GABARAPL1: variants seen among roughly 807,000 people sequenced by gnomAD.
The protein encoded by GABARAPL1 is GABA type A receptor associated protein like 1.
Under a neutral mutation model 14.5 loss-of-function variants are expected in GABARAPL1, and 4 were observed. The ratio of observed to expected loss-of-function variants is 0.28; its 90% CI spans 0.14 to 0.63. GABARAPL1 has a LOEUF of 0.63. Ranked by LOEUF, GABARAPL1 falls within the 30% of genes least tolerant of loss-of-function variation. The pLI, the probability that GABARAPL1 is intolerant of heterozygous loss-of-function variation, is 0.84. For synonymous variants in GABARAPL1, 47 were observed against 50.6 expected (o/e 0.93, Z 0.30); for missense variants, 82 against 139.2 (o/e 0.59, Z 2.07).
chr12:10,213,591 A>G lies in GABARAPL1; in HGVS notation c.90+372A>G, dbSNP rs1388865951. The G allele has an allele frequency of 2.4e-5, 8 of 331,814 alleles. No homozygotes were observed. In the Admixed American group the frequency reaches 3.3e-4, roughly 14 times the overall value. The allele number at this position is 331,814 out of a possible 1,614,324, so 20.6% of individuals were successfully genotyped here. A position where few individuals can be genotyped will look rare whatever the true frequency, so the allele number is the denominator to read the frequency against. ...TCGGGGCCATGGATTGGCTGCCTTTAAGAACGCAGGGACATTGTGCTGTGC... is the reference window on the plus strand; with the variant it reads ...TCGGGGCCATGGATTGGCTGCCTTTGAGAACGCAGGGACATTGTGCTGTGC... On this transcript the variant is annotated intron_variant, in intron 1 of 3. Coordinates refer to ENST00000266458, the MANE Select transcript of GABARAPL1 (RefSeq NM_031412.4).
intron 3 of GABARAPL1, 199 bp downstream of exon 3, chr12:10,220,757 A>C (rs986887079): frequency 6.7e-7 from 1 of 1,496,550 alleles, no homozygotes; most frequent in African/African-American, 1.4e-5. Flanking sequence ...ACTCTACTAG[A>C]TTTAATCCTT....
intron 2 of GABARAPL1, among the ~76,000 whole-genome samples, chr12:10,219,235 C>T (rs551904083): frequency 7.9e-4 from 120 of 151,664 alleles, no homozygotes; most frequent in African/African-American, 2.8e-3. Context: ...TGGAGAATGG[C>T]TTGAACCTGG....
chr12:10,219,401 G>T (rs755573539), intron 2 of GABARAPL1, among the ~76,000 whole-genome samples: 5 of 151,720 alleles, frequency 3.3e-5, no homozygotes, highest in Non-Finnish European at 7.4e-5. Context: ...AAGAAAACCA[G>T]TCTGGCTTCT....
At chr12:10,216,928 T>C (rs1335752150) in intron 1 of GABARAPL1, among the ~76,000 whole-genome samples, 1 of 152,160 alleles carries the variant, frequency 6.6e-6, no homozygotes, top group Admixed American at 6.5e-5. Flanking sequence ...ATTAAAAATA[T>C]CTTTTAAATT....
Position 10,213,092 on chromosome 12 carries a change from G to A in GABARAPL1, c.-38G>A. ...GACAGGGTCAGCGGCGAAGGAGGCA[G>A]GCCCCGCGCGGGGATCTCGGAAGCC... On this transcript the variant is annotated 5_prime_UTR_variant, in exon 1 of 4. Transcript: ENST00000266458. 1 of 1,310,484 alleles carries A rather than the reference G, an allele frequency of 7.6e-7. No homozygotes were observed. Among genetic ancestry groups the A allele is most frequent in the Non-Finnish European group, 1.1e-6 (1 of 921,678 alleles). The allele number at this position is 1,310,484 out of a possible 1,614,324, so 81.2% of individuals were successfully genotyped here.
chr12:10,215,852 A>G (rs116676684), intron 1 of GABARAPL1, among the ~76,000 whole-genome samples: 1,618 of 151,190 alleles, frequency 0.011, 36 homozygotes, highest in African/African-American at 0.037. Context: ...TTTTTTCTAC[A>G]AGAACACAAA....
intron 3 of GABARAPL1, 111 bp from the exon 4 acceptor site, chr12:10,221,676 G>T: frequency 8.2e-7 from 1 of 1,224,694 alleles, no homozygotes; most frequent in East Asian, 2.5e-5. Context: ...TCTTTTAAAT[G>T]GGGACTAATG....
chr12:10,222,423 G>C lies in GABARAPL1; in HGVS notation c.*571G>C, dbSNP rs1475642725. ...TCAGACATCACAGTACCACCCCAGG[G>C]GTGGCAGTAGACAACAACCCAGAAA... On this transcript the variant is annotated 3_prime_UTR_variant, in exon 4 of 4. Coordinates refer to ENST00000266458, the MANE Select transcript of GABARAPL1 (RefSeq NM_031412.4). The C allele has an allele frequency of 6.5e-6, 1 of 153,388 alleles. No individual in the cohort carries two copies. Among genetic ancestry groups the C allele is most frequent in the East Asian group, 1.9e-4 (1 of 5,204 alleles). 9.5% of individuals were successfully genotyped at this position (153,388 alleles called of 1,614,324 possible). A position where few individuals can be genotyped will look rare whatever the true frequency, so the allele number is the denominator to read the frequency against.
chr12:10,216,029 C>T (rs1949086350), intron 1 of GABARAPL1, among the ~76,000 whole-genome samples: 1 of 152,004 alleles, frequency 6.6e-6, no homozygotes, highest in South Asian at 2.1e-4. Context: ...TTATTACTCA[C>T]ATTCACATCA....
At chr12:10,216,683 G>A (rs560538474) in intron 1 of GABARAPL1, among the ~76,000 whole-genome samples, 2 of 151,742 alleles carry the variant, frequency 1.3e-5, no homozygotes, top group Non-Finnish European at 2.9e-5. Flanking sequence ...TGGGATTATA[G>A]GCATGCATCA....
intron 1 of GABARAPL1, among the ~76,000 whole-genome samples, chr12:10,216,408 G>C (rs11053689): frequency 0.085 from 12,792 of 151,120 alleles, 1,329 homozygotes; most frequent in East Asian, 0.46. Flanking sequence ...AGCTGAGAGA[G>C]AGGTTACGTG....
In GABARAPL1 at chr12:10,221,954, C is replaced by A; in HGVS notation, c.*102C>A. 1 of 957,466 alleles carries A rather than the reference C, an allele frequency of 1.0e-6. No homozygotes were observed. The highest frequency in any genetic ancestry group is 1.7e-6 in the Non-Finnish European group (1 of 599,268). 59.3% of individuals were successfully genotyped at this position (957,466 alleles called of 1,614,324 possible). ...GAGGGTGGCTCCCACCGCAAGGAGA[C>A]AGAAGGTGAAGACATCTAGAAACAT... On this transcript the variant is annotated 3_prime_UTR_variant, in exon 4 of 4. Transcript: ENST00000266458.
rs1037495777 is a variant in GABARAPL1, at chr12:10,212,979, C to A, written c.-151C>A. On this transcript the variant is annotated 5_prime_UTR_variant, in exon 1 of 4. Coordinates refer to ENST00000266458, the MANE Select transcript of GABARAPL1 (RefSeq NM_031412.4). ...CCCGAGATCCCCGCCCCGAACCCCC[C>A]CTGCACACTCGGCCCAGCGCTGTTG... is the stretch of plus-strand genomic sequence containing the variant. The A allele has an allele frequency of 1.6e-6, 1 of 612,212 alleles. No homozygotes were observed. Among genetic ancestry groups the A allele is most frequent in the South Asian group, 1.9e-5 (1 of 53,140 alleles). The allele number at this position is 612,212 out of a possible 1,614,324, so 37.9% of individuals were successfully genotyped here. A position where few individuals can be genotyped will look rare whatever the true frequency, so the allele number is the denominator to read the frequency against.
chr12:10,212,896 T>C lies in GABARAPL1; in HGVS notation c.-234T>C, dbSNP rs956052701. On this transcript the variant is annotated 5_prime_UTR_variant, in exon 1 of 4. Transcript: ENST00000266458. ...CCAGCTGTTTTTGTGCTCCCAGCTC[T>C]AGCGAAAAGCCGCCGGTATTTCTCC... is the stretch of plus-strand genomic sequence containing the variant. The C allele has an allele frequency of 8.7e-5, 41 of 470,448 alleles. No individual in the cohort carries two copies. The highest frequency in any genetic ancestry group is 1.4e-4 in the Non-Finnish European group (37 of 260,138). 29.1% of individuals were successfully genotyped at this position (470,448 alleles called of 1,614,324 possible).
At chr12:10,216,911 T>C (rs1421732636) in intron 1 of GABARAPL1, among the ~76,000 whole-genome samples, 2 of 152,236 alleles carry the variant, frequency 1.3e-5, no homozygotes, top group African/African-American at 4.8e-5. Flanking sequence ...TTGGTAAGTT[T>C]TAGTGTATTA....
Position 10,221,783 on chromosome 12 carries a change from C to A in GABARAPL1, c.289-4C>A. The A allele has an allele frequency of 6.2e-7, 1 of 1,613,876 alleles. No individual in the cohort carries two copies. Among genetic ancestry groups the A allele is most frequent in the South Asian group, 1.1e-5 (1 of 91,056 alleles). On this transcript the variant is annotated splice_polypyrimidine_tract_variant and splice_region_variant and intron_variant, in intron 3 of 3. Coordinates refer to ENST00000266458, the MANE Select transcript of GABARAPL1 (RefSeq NM_031412.4). ...CTAAACTGTTGTCTTATCTCTTCCC[C>A]TAGGACAATCATGAGGAAGACTATT...
intron 3 of GABARAPL1, 161 bp downstream of exon 3, chr12:10,220,719 GA>G: frequency 7.8e-6 from 12 of 1,532,006 alleles, no homozygotes; most frequent in Non-Finnish European, 1.1e-5. Flanking sequence ...TGAGAGATTA[GA>G]TACCTCTTGT....
In GABARAPL1 at chr12:10,213,193, C is replaced by A; in HGVS notation, c.64C>A (p.Arg22=). ...EYRKKEGEKI[R]KKYPDRVPVI... ...TCGGAAAAAGGAAGGAGAAAAGATC[C>A]GGAAGAAATATCCGGACAGGGTCCC... The change falls in exon 1 of 4, where the codon CGG becomes AGG. Residue 22 remains arginine, a synonymous_variant. Coordinates refer to ENST00000266458, the MANE Select transcript of GABARAPL1 (RefSeq NM_031412.4). 2 of 1,577,230 alleles carry A rather than the reference C, an allele frequency of 1.3e-6. No homozygotes were observed.
At chr12:10,213,250 G>A (rs1383912792) in intron 1 of GABARAPL1, 31 bp downstream of exon 1, 3 of 1,402,694 alleles carry the variant, frequency 2.1e-6, no homozygotes, top group Non-Finnish European at 3.0e-6. Context: ...GGGATGGGAG[G>A]GGAAGGGCCC....
Sources: allele counts gnomAD v4.1 joint callset (sites outside exome capture counted in the v4.1 genomes callset), GRCh38; gene constraint gnomAD v4.1.1; transcripts MANE v1.5; gene names NCBI Gene and HGNC (gene_info 2026-07-23, HGNC 2026-07-21).